MYO1B: variants seen among roughly 807,000 people sequenced by gnomAD.
MYO1B encodes the protein myosin IB.
MYO1B carries 72 observed loss-of-function variants against 159.7 expected under a neutral mutation model. The ratio of observed to expected loss-of-function variants is 0.45; its 90% CI spans 0.37 to 0.55. The LOEUF (loss-of-function observed/expected upper bound fraction) is 0.55, where lower values mean the gene tolerates loss of function less well. MYO1B is among the 20% of genes least tolerant of loss of function. The pLI is 0.00. For missense variants in MYO1B, 1,062 were observed against 1,364.8 expected (o/e 0.78, Z 3.50); for synonymous variants, 468 against 473.8 (o/e 0.99, Z 0.16).
chr2:191,248,725 A>G (rs111416393), intron 1 of MYO1B, among the ~76,000 whole-genome samples: 288 of 152,338 alleles, frequency 1.9e-3, no homozygotes, highest in African/African-American at 6.9e-3. Flanking sequence ...GTGCTTGTGT[A>G]GCTAACTACT....
In MYO1B at chr2:191,370,081, T is replaced by G. The variant is rs1694261205; in HGVS notation, c.1120-146T>G. 5 of 600,916 alleles carry G rather than the reference T, an allele frequency of 8.3e-6. No homozygotes were observed. In the South Asian group the frequency reaches 1.2e-4, roughly 14 times the overall value. 37.2% of individuals were successfully genotyped at this position (600,916 alleles called of 1,614,324 possible). On this transcript the variant is annotated intron_variant, in intron 12 of 30. Transcript: ENST00000392318. ...AAGAGTTCTATACCAATGCCTCATCTCATACATTTTTTAAAAAACAACTAA... is the reference window on the plus strand; with the variant it reads ...AAGAGTTCTATACCAATGCCTCATCGCATACATTTTTTAAAAAACAACTAA...
At chr2:191,354,415 T>C (rs1371337813) in intron 7 of MYO1B, among the ~76,000 whole-genome samples, 3 of 152,084 alleles carry the variant, frequency 2.0e-5, no homozygotes, top group African/African-American at 7.2e-5. Context: ...TTTGTCTGAA[T>C]ATTCTGTGCT....
Position 191,356,172 on chromosome 2 carries a change from T to C in MYO1B, c.563-4459T>C, listed in dbSNP as rs562395046. 2.6e-5 allele frequency among the ~76,000 whole-genome samples: 4 copies of C among 152,302 alleles called. No homozygotes were observed. In the South Asian group the frequency reaches 8.3e-4, roughly 32 times the overall value. On this transcript the variant is annotated intron_variant, in intron 7 of 30. Transcript: ENST00000392318. ...ATCTCTGATCAGTTTTCTGGGAATATATGTATTGAGGTGAAATAGAAGACT... is the reference window on the plus strand; with the variant it reads ...ATCTCTGATCAGTTTTCTGGGAATACATGTATTGAGGTGAAATAGAAGACT...
At chr2:191,319,015 G>A (rs1690532944) in intron 3 of MYO1B, among the ~76,000 whole-genome samples, 1 of 152,108 alleles carries the variant, frequency 6.6e-6, no homozygotes, top group Non-Finnish European at 1.5e-5. Context: ...GGGAGGGAGT[G>A]GCCTCTTTGC....
Position 191,414,582 on chromosome 2 carries a change from A to T in MYO1B, c.3072A>T (p.Gln1024His). Residue 1024 changes from glutamine (Q) to histidine (H), a missense_variant, in exon 29 of 31, where the codon CAA becomes CAT. Gln to His is a conservative substitution (Grantham distance 24). Transcript: ENST00000392318. ...TTCTTGCTGACCAAAAGTCTGGACAAATCAAGTCAGAGGTTCCATTGGTGG... is the reference window on the plus strand; with the variant it reads ...TTCTTGCTGACCAAAAGTCTGGACATATCAAGTCAGAGGTTCCATTGGTGG... Reference protein sequence around the residue: ...NLLLADQKSGQIKSEVPLVDV... With the variant: ...NLLLADQKSGHIKSEVPLVDV... 6.2e-7 allele frequency: 1 copy of T among 1,613,700 alleles called. No homozygotes were observed. The highest frequency in any genetic ancestry group is 2.2e-5 in the East Asian group (1 of 44,836).
chr2:191,305,121 G>A (rs890263435), intron 3 of MYO1B, among the ~76,000 whole-genome samples: 2 of 152,232 alleles, frequency 1.3e-5, no homozygotes, highest in African/African-American at 4.8e-5. Context: ...CTGACAGAGA[G>A]AGCCACAGTT....
At chr2:191,271,866 A>G (rs188531211) in intron 1 of MYO1B, among the ~76,000 whole-genome samples, 79 of 152,310 alleles carry the variant, frequency 5.2e-4, no homozygotes, top group African/African-American at 1.8e-3. Context: ...TTGGGGGGCT[A>G]TGTTGGTCTT....
At chr2:191,361,304 ATTC>A (rs1402962501) in intron 8 of MYO1B, among the ~76,000 whole-genome samples, 5 of 152,210 alleles carry the variant, frequency 3.3e-5, no homozygotes, top group Non-Finnish European at 7.3e-5. Flanking sequence ...AATGAGTACA[ATTC>A]TATAAAAACA....
At chr2:191,364,384 A>C in intron 11 of MYO1B, 108 bp downstream of exon 11, 1 of 856,582 alleles carries the variant, frequency 1.2e-6, no homozygotes, top group Non-Finnish European at 1.9e-6. Flanking sequence ...GAATCGTACT[A>C]TGTTCTAGGC....
rs778926705 is a variant in MYO1B, at chr2:191,249,101, A to G, written c.-10+3475A>G. 9.2e-5 allele frequency among the ~76,000 whole-genome samples: 14 copies of G among 152,312 alleles called. No homozygotes were observed. In the Middle Eastern group the frequency reaches 0.01, roughly 111 times the overall value. The stretch of plus-strand genomic sequence containing the variant: ...AAAGTGGTAGAACAGAGTAGATCTT[A>G]TATTGCACTCAAGGCTTTTATGTTT... On this transcript the variant is annotated intron_variant, in intron 1 of 30. Coordinates refer to ENST00000392318, the MANE Select transcript of MYO1B (RefSeq NM_001130158.3).
At chr2:191,245,739 C>T (rs958334068) in intron 1 of MYO1B, 113 bp downstream of exon 1, 14 of 152,258 alleles carry the variant, frequency 9.2e-5, no homozygotes, top group African/African-American at 3.4e-4. Context: ...CCCGTCGCAC[C>T]CTGCGGGCGG....
chr2:191,259,571 A>G (rs1334116065), intron 1 of MYO1B, among the ~76,000 whole-genome samples: 1 of 152,150 alleles, frequency 6.6e-6, no homozygotes, highest in Non-Finnish European at 1.5e-5. Context: ...ATTTTTGGGC[A>G]TTTGTATTCC....
intron 2 of MYO1B, among the ~76,000 whole-genome samples, chr2:191,285,253 C>T (rs1461183938): frequency 6.6e-6 from 1 of 152,200 alleles, no homozygotes; most frequent in Non-Finnish European, 1.5e-5. Context: ...TTATCCTGCT[C>T]TAAAATAAAG....
chr2:191,268,146 A>G (rs773593912), intron 1 of MYO1B, among the ~76,000 whole-genome samples: 1 of 152,206 alleles, frequency 6.6e-6, no homozygotes, highest in Non-Finnish European at 1.5e-5. Flanking sequence ...CTGCTGTAAC[A>G]AGATACCATG....
At chr2:191,273,669 T>C (rs1464928208) in intron 1 of MYO1B, among the ~76,000 whole-genome samples, 6 of 152,220 alleles carry the variant, frequency 3.9e-5, no homozygotes, top group Non-Finnish European at 8.8e-5. Flanking sequence ...TTAGCCTAGA[T>C]CACATGTTCA....
chr2:191,342,237 A>G (rs938285747), intron 5 of MYO1B, among the ~76,000 whole-genome samples: 1 of 151,964 alleles, frequency 6.6e-6, no homozygotes, highest in African/African-American at 2.4e-5. Flanking sequence ...TTGAGTGGGG[A>G]GAGGTGAGAG....
At chr2:191,318,633 C>T (rs965387700) in intron 3 of MYO1B, among the ~76,000 whole-genome samples, 1 of 152,120 alleles carries the variant, frequency 6.6e-6, no homozygotes, top group Non-Finnish European at 1.5e-5. Flanking sequence ...GTAATAAATA[C>T]CAACTTCCTG....
At chr2:191,247,311 A>G (rs1335771325) in intron 1 of MYO1B, among the ~76,000 whole-genome samples, 1 of 152,154 alleles carries the variant, frequency 6.6e-6, no homozygotes, top group South Asian at 2.1e-4. Flanking sequence ...CCCTTTGGCC[A>G]TTTATTTTGA....
chr2:191,415,330 T>G (rs901189227), intron 29 of MYO1B, among the ~76,000 whole-genome samples: 1 of 152,188 alleles, frequency 6.6e-6, no homozygotes, highest in African/African-American at 2.4e-5. Context: ...ATTGATCATA[T>G]GTAGGGACAT....
Sources: allele counts gnomAD v4.1 joint callset (sites outside exome capture counted in the v4.1 genomes callset), GRCh38; gene constraint gnomAD v4.1.1; transcripts MANE v1.5; gene names NCBI Gene and HGNC (gene_info 2026-07-23, HGNC 2026-07-21).